Variants in ABCB7 observed in about 807,000 individuals in gnomAD.
ABCB7 encodes ATP binding cassette subfamily B member 7, also known as iron-sulfur clusters transporter ABCB7, mitochondrial.
A neutral mutation model predicts 54.4 loss-of-function variants in ABCB7; 7 were observed. That is an observed-to-expected ratio of 0.13 (90% CI 0.07 to 0.24). The LOEUF (loss-of-function observed/expected upper bound fraction) is 0.24, where lower values mean the gene tolerates loss of function less well. Ranked by LOEUF, ABCB7 falls within the 10% of genes least tolerant of loss-of-function variation. ABCB7 has a pLI of 1.00. For missense variants in ABCB7, 356 were observed against 570.4 expected (o/e 0.62, Z 3.83); for synonymous variants, 218 against 207.1 (o/e 1.05, Z -0.45).
intron 10 of ABCB7, 55 bp downstream of exon 10, chrX:75,070,310 T>C (rs1268456114): frequency 1.8e-6 from 2 of 1,097,154 alleles, no homozygotes; most frequent in East Asian, 6.0e-5. Flanking sequence ...AGAATAATCC[T>C]ACTAATAGGA....
At chrX:75,156,012 G>A in intron 1 of ABCB7, 93 bp downstream of exon 1, 1 of 1,014,282 alleles carries the variant, frequency 9.9e-7, no homozygotes, top group South Asian at 2.0e-5. Flanking sequence ...CTTTCTTCTT[G>A]GTGCTCTCTC....
At chrX:75,080,064 A>G (rs1255202391) in intron 4 of ABCB7, among the ~76,000 whole-genome samples, 1 of 112,026 alleles carries the variant, frequency 8.9e-6, no homozygotes, top group Non-Finnish European at 1.9e-5. Flanking sequence ...ATCATTTGCT[A>G]TTGCTAAGGA....
chrX:75,149,367 TG>T (rs1318837992), intron 1 of ABCB7, among the ~76,000 whole-genome samples: 1 of 112,121 alleles, frequency 8.9e-6, no homozygotes, highest in African/African-American at 3.2e-5. Flanking sequence ...AAGTGTGCTT[TG>T]GTTATTGAAC....
At chrX:75,103,844 T>C (rs1400073449) in intron 3 of ABCB7, among the ~76,000 whole-genome samples, 2 of 109,290 alleles carry the variant, frequency 1.8e-5, no homozygotes, top group Admixed American at 2.0e-4. Context: ...ACCAAATTTA[T>C]TTATCAGATG....
At chrX:75,142,032 T>C (rs2147570322) in intron 1 of ABCB7, among the ~76,000 whole-genome samples, 1 of 111,569 alleles carries the variant, frequency 9.0e-6, no homozygotes, top group African/African-American at 3.2e-5. Context: ...AATAAATTAA[T>C]GATTAAATGA....
chrX:75,114,082 T>C (rs963972616), intron 2 of ABCB7, among the ~76,000 whole-genome samples: 6 of 111,786 alleles, frequency 5.4e-5, no homozygotes, highest in African/African-American at 6.5e-5. Flanking sequence ...ACTAAGCACA[T>C]TTTCCCCTTA....
chrX:75,107,759 G>A (rs760952810), intron 3 of ABCB7, among the ~76,000 whole-genome samples: 2 of 109,927 alleles, frequency 1.8e-5, no homozygotes, highest in African/African-American at 3.3e-5. Flanking sequence ...GGTGAGACTC[G>A]GTACATTGCC....
chrX:75,104,057 T>G (rs1490494331), intron 3 of ABCB7, among the ~76,000 whole-genome samples: 4 of 56,999 alleles, frequency 7.0e-5, no homozygotes, highest in Non-Finnish European at 9.5e-5. Context: ...GTTTTTTTTT[T>G]TTTTTTTTTT....
intron 4 of ABCB7, among the ~76,000 whole-genome samples, chrX:75,089,609 GA>G (rs1363470324): frequency 9.0e-6 from 1 of 110,882 alleles, no homozygotes; most frequent in African/African-American, 3.3e-5. Flanking sequence ...ATTAAAGCCA[GA>G]GAAGGAAGAA....
rs1167417147 is a variant in ABCB7 at position 75,051,218 on chromosome X, T to C, written c.*2152A>G. ...TAACTCTAGCTTTAAAAGCAAGATC[T>C]TGCATCACTTACTCTGGCAGCAAAG... On this transcript the variant is annotated 3_prime_UTR_variant, in exon 16 of 16. Coordinates refer to ENST00000373394, the MANE Select transcript of ABCB7 (RefSeq NM_001271696.3). Among the ~76,000 whole-genome samples the C allele has an allele frequency of 9.0e-6, 1 of 110,968 alleles. No homozygotes were observed. Among genetic ancestry groups the C allele is most frequent in the African/African-American group, 3.3e-5 (1 of 30,567 alleles).
intron 15 of ABCB7, among the ~76,000 whole-genome samples, chrX:75,056,152 C>A (rs910270967): frequency 8.9e-6 from 1 of 111,817 alleles, no homozygotes; most frequent in Non-Finnish European, 1.9e-5. Flanking sequence ...TATTTTTTCT[C>A]TAATTAGTAA....
intron 3 of ABCB7, among the ~76,000 whole-genome samples, chrX:75,101,924 C>T (rs1003290630): frequency 2.7e-5 from 3 of 111,782 alleles, no homozygotes; most frequent in African/African-American, 9.7e-5. Flanking sequence ...TGTAATCATG[C>T]ATTATGAGTC....
chrX:75,062,904 G>A (rs1440539979), intron 13 of ABCB7, among the ~76,000 whole-genome samples: 1 of 111,569 alleles, frequency 9.0e-6, no homozygotes, highest in African/African-American at 3.2e-5. Flanking sequence ...CATTCAGCCA[G>A]TATTCTCAAG....
At chrX:75,070,583 C>G in intron 9 of ABCB7, 61 bp from the exon 10 acceptor site, 1 of 1,085,342 alleles carries the variant, frequency 9.2e-7, no homozygotes, top group South Asian at 1.8e-5. Context: ...TTCCAATTTA[C>G]GATAGGTTTA....
chrX:75,056,820 A>G (rs944076577), intron 15 of ABCB7, among the ~76,000 whole-genome samples: 1 of 111,612 alleles, frequency 9.0e-6, no homozygotes, highest in African/African-American at 3.3e-5. Context: ...CATAAGCTCA[A>G]TCTTACACTA....
In ABCB7 at chrX:75,104,047, G is replaced by GTTTTTTTTTTTTTTTTTTTTTTT; in HGVS notation, c.334-5009_334-4987dup. Among the ~76,000 whole-genome samples, 15 of 13,442 alleles carry GTTTTTTTTTTTTTTTTTTTTTTT rather than the reference G, an allele frequency of 1.1e-3. 3 individuals carry two copies. Among genetic ancestry groups the GTTTTTTTTTTTTTTTTTTTTTTT allele is most frequent in the Admixed American group, 6.0e-3 (3 of 502 alleles). The allele number at this position is 13,442 out of a possible 115,157, so 11.7% of individuals were successfully genotyped here. On this transcript the variant is annotated intron_variant, in intron 3 of 15. Coordinates refer to ENST00000373394, the MANE Select transcript of ABCB7 (RefSeq NM_001271696.3). ...AAATGGGCATCCCTGTCTTGTTACA[G>GTTTTTTTTTTTTTTTTTTTTTTT]TTTTTTTTTTTTTTTTTTTTTTTTT... is the stretch of plus-strand genomic sequence containing the variant.
In ABCB7 at chrX:75,076,402, AAAC is replaced by A. The variant is rs1163581129; in HGVS notation, c.586+117_586+119del. The A allele has an allele frequency of 2.1e-5, 20 of 946,448 alleles. No individual in the cohort carries two copies. The African/African-American group carries it at 3.3e-4, about 16-fold the overall frequency. The allele number at this position is 946,448 out of a possible 1,213,427, so 78.0% of individuals were successfully genotyped here. A position where few individuals can be genotyped will look rare whatever the true frequency, so the allele number is the denominator to read the frequency against. ...AAACACATACAAAACATCTCACATA[AAAC>A]AACAAACATCCAAAACGCTAAGTTG... On this transcript the variant is annotated intron_variant, in intron 5 of 15. Transcript: ENST00000373394.
At chrX:75,108,883 A>G (rs2081730704) in intron 3 of ABCB7, among the ~76,000 whole-genome samples, 1 of 111,810 alleles carries the variant, frequency 8.9e-6, no homozygotes, top group Non-Finnish European at 1.9e-5. Flanking sequence ...TTAATATCCT[A>G]GAGGCAATAC....
intron 12 of ABCB7, among the ~76,000 whole-genome samples, chrX:75,065,453 T>C (rs2081311151): frequency 9.0e-6 from 1 of 111,384 alleles, no homozygotes; most frequent in Admixed American, 9.6e-5. Context: ...GACTTCTTCC[T>C]GTGAATTTAT....
Sources: allele counts gnomAD v4.1 joint callset (sites outside exome capture counted in the v4.1 genomes callset), GRCh38; gene constraint gnomAD v4.1.1; transcripts MANE v1.5; gene names NCBI Gene and HGNC (gene_info 2026-07-23, HGNC 2026-07-21).